Variants in GRIA3 observed in about 807,000 individuals in gnomAD.
The protein encoded by GRIA3 is glutamate ionotropic receptor AMPA type subunit 3.
Under a neutral mutation model 63.0 loss-of-function variants are expected in GRIA3, and 3 were observed. The ratio of observed to expected loss-of-function variants is 0.05; its 90% confidence interval spans 0.02 to 0.12. The LOEUF (loss-of-function observed/expected upper bound fraction) is 0.12, where lower values mean the gene tolerates loss of function less well. Ranked by LOEUF, GRIA3 falls within the 10% of genes least tolerant of loss-of-function variation. The pLI, the probability that GRIA3 is intolerant of heterozygous loss-of-function variation, is 1.00. For synonymous variants in GRIA3, 274 were observed against 257.9 expected (o/e 1.06, Z -0.60); for missense variants, 347 against 700.9 (o/e 0.50, Z 5.70).
intron 3 of GRIA3, among the ~76,000 whole-genome samples, chrX:123,284,125 C>T (rs2044603269): frequency 8.9e-6 from 1 of 112,244 alleles, no homozygotes; most frequent in South Asian, 3.7e-4. Context: ...AGTGGACTTC[C>T]AGCAAACTCC....
At chrX:123,356,663 C>A (rs1190830002) in intron 5 of GRIA3, among the ~76,000 whole-genome samples, 2 of 111,493 alleles carry the variant, frequency 1.8e-5, no homozygotes, top group Non-Finnish European at 3.8e-5. Context: ...AGAGATATAG[C>A]AAAATCTGGG....
chrX:123,311,963 T>C (rs1353291291), intron 3 of GRIA3, among the ~76,000 whole-genome samples: 1 of 112,319 alleles, frequency 8.9e-6, no homozygotes, highest in Non-Finnish European at 1.9e-5. Context: ...TTTTTCTTCA[T>C]GAACATGTGC....
intron 11 of GRIA3, among the ~76,000 whole-genome samples, chrX:123,425,004 C>T (rs1281061338): frequency 8.9e-6 from 1 of 111,872 alleles, no homozygotes; most frequent in African/African-American, 3.2e-5. Flanking sequence ...ACTCCAAAGT[C>T]AGTTTTCTCC....
At chrX:123,367,236 G>C in intron 5 of GRIA3, among the ~76,000 whole-genome samples, 1 of 111,211 alleles carries the variant, frequency 9.0e-6, no homozygotes, top group Non-Finnish European at 1.9e-5. Flanking sequence ...ATTGTTTCTC[G>C]CAAAAATATC....
At chrX:123,313,212 G>C (rs2044808900) in intron 3 of GRIA3, among the ~76,000 whole-genome samples, 1 of 111,662 alleles carries the variant, frequency 9.0e-6, no homozygotes, top group Admixed American at 9.5e-5. Flanking sequence ...TCTTTAGTAT[G>C]GTGGATGGCA....
intron 12 of GRIA3, among the ~76,000 whole-genome samples, chrX:123,438,992 C>G (rs139487128): frequency 9.4e-4 from 105 of 112,020 alleles, no homozygotes; most frequent in African/African-American, 3.2e-3. Flanking sequence ...AAAGTTTCAT[C>G]TTGATATCAT....
chrX:123,427,160 T>C (rs923837393), intron 11 of GRIA3, among the ~76,000 whole-genome samples: 3 of 112,290 alleles, frequency 2.7e-5, no homozygotes, highest in African/African-American at 9.7e-5. Flanking sequence ...AATAGCAATG[T>C]CTTTGTTAAA....
At chrX:123,349,412 T>A (rs1293150097) in intron 4 of GRIA3, among the ~76,000 whole-genome samples, 1 of 112,550 alleles carries the variant, frequency 8.9e-6, no homozygotes, top group East Asian at 2.8e-4. Flanking sequence ...ATGAATGCAA[T>A]GTTAAAGTCT....
At chrX:123,240,626 A>G (rs936566637) in intron 2 of GRIA3, among the ~76,000 whole-genome samples, 8 of 111,833 alleles carry the variant, frequency 7.2e-5, no homozygotes, top group Middle Eastern at 4.6e-3. Flanking sequence ...TTCCACCTGT[A>G]AAATGGGTAG....
intron 12 of GRIA3, among the ~76,000 whole-genome samples, chrX:123,433,980 A>G (rs1039798112): frequency 5.4e-5 from 6 of 112,082 alleles, no homozygotes; most frequent in African/African-American, 1.9e-4. Flanking sequence ...TGCTAATAGC[A>G]TTTCGATTCT....
chrX:123,452,319 G>A (rs1390732387), intron 12 of GRIA3, among the ~76,000 whole-genome samples: 1 of 107,750 alleles, frequency 9.3e-6, no homozygotes, highest in Non-Finnish European at 1.9e-5. Flanking sequence ...CTTCTCTTCA[G>A]ATTAGTTCCA....
intron 2 of GRIA3, among the ~76,000 whole-genome samples, chrX:123,200,815 TA>T (rs1927717257): frequency 9.0e-6 from 1 of 111,396 alleles, no homozygotes; most frequent in Non-Finnish European, 1.9e-5. Context: ...GGATGATCAT[TA>T]TTCCTCCACC....
chrX:123,187,515 A>G (rs773917342), intron 2 of GRIA3, among the ~76,000 whole-genome samples: 14 of 112,295 alleles, frequency 1.2e-4, no homozygotes, highest in Non-Finnish European at 2.6e-4. Context: ...TACAACACGC[A>G]TCTGACTCTT....
chrX:123,247,097 C>G (rs1311957739), intron 2 of GRIA3, among the ~76,000 whole-genome samples: 1 of 111,694 alleles, frequency 9.0e-6, no homozygotes, highest in African/African-American at 3.3e-5. Flanking sequence ...ACCTGGAGAA[C>G]CTTGTTGTGA....
At chrX:123,447,735 T>C (rs1200875985) in intron 12 of GRIA3, among the ~76,000 whole-genome samples, 5 of 112,233 alleles carry the variant, frequency 4.5e-5, no homozygotes, top group Admixed American at 9.4e-5. Context: ...GGTTACTGTA[T>C]GACAGCAACC....
intron 3 of GRIA3, among the ~76,000 whole-genome samples, chrX:123,287,272 A>G (rs965319386): frequency 5.4e-5 from 6 of 111,825 alleles, no homozygotes; most frequent in African/African-American, 2.0e-4. Context: ...CATCGAAATA[A>G]TAAGATCTAT....
At chrX:123,448,549 G>A (rs950172288) in intron 12 of GRIA3, among the ~76,000 whole-genome samples, 21 of 111,733 alleles carry the variant, frequency 1.9e-4, no homozygotes, top group African/African-American at 6.8e-4. Context: ...TTTTCCTTAA[G>A]CTGTAGACCT....
chrX:123,367,785 T>C (rs2045221865), intron 5 of GRIA3, among the ~76,000 whole-genome samples: 1 of 111,326 alleles, frequency 9.0e-6, no homozygotes, highest in Non-Finnish European at 1.9e-5. Context: ...ATAGTCGTCA[T>C]TGGATGAGGA....
chrX:123,311,465 T>C (rs5909989), intron 3 of GRIA3, among the ~76,000 whole-genome samples: 2 of 112,240 alleles, frequency 1.8e-5, no homozygotes, highest in Non-Finnish European at 3.8e-5. Flanking sequence ...TATTTGACTT[T>C]GTGTACTCTT....
Sources: gnomAD v4.1 joint callset for allele counts (sites outside exome capture counted in the v4.1 genomes callset) on GRCh38, gnomAD v4.1.1 for gene constraint, MANE v1.5 for transcripts, NCBI Gene and HGNC (gene_info 2026-07-23, HGNC 2026-07-21) for gene names.